GPC5: variants seen among roughly 807,000 people sequenced by gnomAD.
GPC5 encodes the protein glypican 5, also known as glypican-5.
In GPC5, 47 loss-of-function variants were observed where a neutral mutation model predicts 53.9. The ratio of observed to expected loss-of-function variants is 0.87; its 90% CI spans 0.69 to 1.11. The LOEUF (loss-of-function observed/expected upper bound fraction) is 1.11, where lower values mean the gene tolerates loss of function less well. GPC5 is among the 50% of genes most tolerant of loss of function. The probability of loss-of-function intolerance (pLI) is 0.00; values close to 1 mark genes in which losing one functional copy is unlikely to be tolerated. For missense variants in GPC5, 748 were observed against 713.1 expected (o/e 1.05, Z -0.56); for synonymous variants, 286 against 263.3 (o/e 1.09, Z -0.84).
intron 5 of GPC5, among the ~76,000 whole-genome samples, chr13:91,906,588 A>G (rs1171123501): frequency 6.6e-6 from 1 of 152,122 alleles, no homozygotes; most frequent in African/African-American, 2.4e-5. Context: ...GTTAATTACT[A>G]TATTCCTGGT....
At chr13:92,793,101 C>T (rs980643425) in intron 7 of GPC5, among the ~76,000 whole-genome samples, 21 of 152,036 alleles carry the variant, frequency 1.4e-4, no homozygotes, top group African/African-American at 4.6e-4. Context: ...AGCACCACAC[C>T]GCCCTTATTC....
chr13:91,789,912 G>A (rs917452547), intron 5 of GPC5, among the ~76,000 whole-genome samples: 2 of 152,126 alleles, frequency 1.3e-5, no homozygotes, highest in Non-Finnish European at 2.9e-5. Flanking sequence ...AGGGGAGCTA[G>A]GCGCTTTCAC....
chr13:91,761,583 A>C (rs1402799339), intron 5 of GPC5, among the ~76,000 whole-genome samples: 1 of 152,146 alleles, frequency 6.6e-6, no homozygotes, highest in Non-Finnish European at 1.5e-5. Context: ...AATGAATCTG[A>C]TGGAGCAGCT....
chr13:92,351,014 C>G (rs1026019823), intron 7 of GPC5, among the ~76,000 whole-genome samples: 4 of 151,956 alleles, frequency 2.6e-5, no homozygotes, highest in Non-Finnish European at 5.9e-5. Context: ...AGTATAAAGT[C>G]ATATAGCCAC....
At chr13:92,648,547 C>A (rs1885848441) in intron 7 of GPC5, among the ~76,000 whole-genome samples, 1 of 152,022 alleles carries the variant, frequency 6.6e-6, no homozygotes, top group African/African-American at 2.4e-5. Context: ...TTAGTTATTT[C>A]AATGTTTTTG....
At chr13:92,576,918 G>A (rs1278015178) in intron 7 of GPC5, among the ~76,000 whole-genome samples, 6 of 152,136 alleles carry the variant, frequency 3.9e-5, no homozygotes, top group Non-Finnish European at 8.8e-5. Flanking sequence ...ATTCAATGGA[G>A]TAAACAACTG....
intron 6 of GPC5, among the ~76,000 whole-genome samples, chr13:92,111,891 A>T (rs911025815): frequency 3.3e-5 from 5 of 152,200 alleles, no homozygotes; most frequent in African/African-American, 9.6e-5. Flanking sequence ...GGATGATAAA[A>T]GTTTATATGA....
At chr13:91,780,847 A>G (rs2037786637) in intron 5 of GPC5, among the ~76,000 whole-genome samples, 1 of 152,220 alleles carries the variant, frequency 6.6e-6, no homozygotes. Flanking sequence ...GAAAAACATA[A>G]TAACTTCGTT....
intron 6 of GPC5, among the ~76,000 whole-genome samples, chr13:91,981,322 C>A (rs2040355809): frequency 1.3e-5 from 2 of 150,274 alleles, no homozygotes; most frequent in Non-Finnish European, 1.5e-5. Context: ...CGGAGTCTCG[C>A]TCTGTCGCCC....
intron 7 of GPC5, among the ~76,000 whole-genome samples, chr13:92,700,139 G>C (rs889861104): frequency 6.6e-6 from 1 of 151,808 alleles, no homozygotes; most frequent in African/African-American, 2.4e-5. Flanking sequence ...ATTTTGGATA[G>C]TTAATTCTTC....
chr13:92,553,560 CCT>C (rs1882393546), intron 7 of GPC5, among the ~76,000 whole-genome samples: 1 of 151,818 alleles, frequency 6.6e-6, no homozygotes, highest in Non-Finnish European at 1.5e-5. Flanking sequence ...ATACTCAACC[CCT>C]GAGTGTGGGA....
At chr13:91,845,892 T>A (rs974913285) in intron 5 of GPC5, among the ~76,000 whole-genome samples, 1 of 152,158 alleles carries the variant, frequency 6.6e-6, no homozygotes, top group Admixed American at 6.5e-5. Flanking sequence ...AAGCTTTTGT[T>A]TTCTCATCAG....
chr13:92,183,388 A>T (rs1470906606), intron 7 of GPC5, among the ~76,000 whole-genome samples: 4 of 152,104 alleles, frequency 2.6e-5, no homozygotes, highest in African/African-American at 7.2e-5. Flanking sequence ...ATGTAGATAC[A>T]TATGGTAGCA....
intron 7 of GPC5, among the ~76,000 whole-genome samples, chr13:92,441,154 C>T (rs1174420279): frequency 1.3e-5 from 2 of 152,194 alleles, no homozygotes; most frequent in Non-Finnish European, 2.9e-5. Flanking sequence ...TCACTGCAAC[C>T]TCTGCCTCCT....
intron 7 of GPC5, among the ~76,000 whole-genome samples, chr13:92,621,007 C>T (rs1342199756): frequency 2.6e-5 from 4 of 152,180 alleles, no homozygotes; most frequent in African/African-American, 9.7e-5. Context: ...ATGTAAAATT[C>T]TCATTTCACC....
At chr13:91,647,965 C>G (rs16946371) in intron 2 of GPC5, among the ~76,000 whole-genome samples, 9,872 of 152,252 alleles carry the variant, frequency 0.065, 1,080 homozygotes, top group African/African-American at 0.22. Flanking sequence ...GCCTGTAATC[C>G]TGTTCTCTGA....
chr13:92,206,099 A>G (rs1355403178), intron 7 of GPC5, among the ~76,000 whole-genome samples: 3 of 147,532 alleles, frequency 2.0e-5, no homozygotes, highest in African/African-American at 7.4e-5. Flanking sequence ...GTCATTCCAT[A>G]TATATATATT....
intron 7 of GPC5, among the ~76,000 whole-genome samples, chr13:92,812,171 G>T (rs981281053): frequency 1.3e-5 from 2 of 151,892 alleles, no homozygotes; most frequent in Non-Finnish European, 2.9e-5. Context: ...AGATCACTTT[G>T]AGTAGTACTG....
intron 7 of GPC5, among the ~76,000 whole-genome samples, chr13:92,753,696 G>A (rs1448420686): frequency 1.3e-5 from 2 of 152,018 alleles, no homozygotes; most frequent in East Asian, 3.9e-4. Flanking sequence ...GAAACCTCAG[G>A]AGCCGATGCG....
Sources: allele counts gnomAD v4.1 joint callset (sites outside exome capture counted in the v4.1 genomes callset), GRCh38; gene constraint gnomAD v4.1.1; transcripts MANE v1.5; gene names NCBI Gene and HGNC (gene_info 2026-07-23, HGNC 2026-07-21).